The following LRFN4 variants were observed in gnomAD, a reference collection of about 807,000 sequenced individuals.
LRFN4 encodes the protein leucine-rich repeat and fibronectin type-III domain-containing protein 4.
A neutral mutation model predicts 29.0 loss-of-function variants in LRFN4; 10 were observed. The observed-to-expected ratio is 0.35, with a 90% CI of 0.21 to 0.59. The LOEUF is 0.59. Among genes scored for constraint, LRFN4 ranks in the 20% least tolerant of loss-of-function variants. The pLI, the probability that LRFN4 is intolerant of heterozygous loss-of-function variation, is 0.82. For synonymous variants in LRFN4, 493 were observed against 437.0 expected, an observed-to-expected ratio of 1.13 and a Z score of -1.60; for missense variants, 850 against 907.9, an observed-to-expected ratio of 0.94 and a Z score of 0.82.
Position 66,857,826 on chromosome 11 carries a change from G to C in LRFN4, c.82G>C (p.Glu28Gln), listed in dbSNP as rs1237650030. 6.2e-7 allele frequency: 1 copy of C among 1,604,488 alleles called. No individual in the cohort carries two copies. Among genetic ancestry groups the C allele is most frequent in the South Asian group, 1.1e-5 (1 of 91,078 alleles). The change falls in exon 1 of 2, where the codon GAG becomes CAG. Residue 28 changes from glutamate (E) to glutamine (Q), a missense_variant. Transcript: ENST00000309602. The surrounding 1 kb of genome is among the most constrained non-coding windows in gnomAD (Gnocchi z 7.1). Reference protein sequence around the residue: ...PLPCVCQNLSESLSTLCAHRG... With the variant: ...PLPCVCQNLSQSLSTLCAHRG... ...GCCCTGCGTCTGCCAGAACCTGTCC[G>C]AGTCGCTCAGCACCCTCTGTGCCCA... is the stretch of plus-strand genomic sequence containing the variant.
In LRFN4 at chr11:66,858,234, G is replaced by C; in HGVS notation, c.490G>C (p.Gly164Arg). The C allele has an allele frequency of 6.2e-7, 1 of 1,612,424 alleles. No homozygotes were observed. Among genetic ancestry groups the C allele is most frequent in the Non-Finnish European group, 8.5e-7 (1 of 1,179,918 alleles). ...YNNLRQVPWA[G>R]IGAMPALHTL... ...CAACCTCCGGCAGGTGCCCTGGGCC[G>C]GCATCGGCGCCATGCCTGCCCTGCA... Residue 164 changes from glycine to arginine, a missense_variant, in exon 1 of 2, where the codon GGC (glycine) becomes CGC (arginine). Physicochemically the swap from Gly to Arg is moderately radical, Grantham distance 125. Coordinates refer to ENST00000309602, the MANE Select transcript of LRFN4 (RefSeq NM_024036.5). The surrounding 1 kb of genome is among the most constrained non-coding windows in gnomAD (Gnocchi z 5.9).
intron 1 of LRFN4, 97 bp from the exon 2 acceptor site, chr11:66,859,540 G>A: frequency 1.3e-6 from 2 of 1,562,024 alleles, no homozygotes; most frequent in Non-Finnish European, 1.7e-6. Flanking sequence ...AGTGGCCCCA[G>A]GGGGAGGGGT....
chr11:66,858,851 G>A lies in LRFN4; in HGVS notation c.1107G>A (p.Leu369=). Residue 369 remains leucine, a synonymous_variant, in exon 1 of 2, where the codon CTG becomes CTA. Coordinates refer to ENST00000309602, the MANE Select transcript of LRFN4 (RefSeq NM_024036.5). This position sits in a 1 kb window ranked among gnomAD's most constrained non-coding sequence, Gnocchi z 5.9. Reference sequence around the variant, plus strand: ...CAGCCCGAGTAGAACTGCGGGTGCTGGCCTTGCCCCATGGTGGGAACAGCA... The same window carrying A: ...CAGCCCGAGTAGAACTGCGGGTGCTAGCCTTGCCCCATGGTGGGAACAGCA... The part of the protein sequence containing the change: ...EATARVELRV[L]ALPHGGNSSA... 12 of 1,552,664 alleles carry A rather than the reference G, an allele frequency of 7.7e-6. No individual in the cohort carries two copies. Among genetic ancestry groups the A allele is most frequent in the Non-Finnish European group, 1.0e-5 (12 of 1,149,220 alleles).
In LRFN4 at chr11:66,858,527, CG is replaced by C; in HGVS notation, c.785del (p.Gly262AlafsTer75). On this transcript the variant is annotated frameshift_variant, in exon 1 of 2. Transcript: ENST00000309602. LOFTEE classifies it high-confidence loss of function. The surrounding 1 kb of genome is among the most constrained non-coding windows in gnomAD (Gnocchi z 5.9). The stretch of plus-strand genomic sequence containing the variant: ...ACCTGGAAACGTGCGCCTCCCCGCC[CG>C]GCCTGGCCGGCCGCTACTTCTGGGC... ...DDLETCASPP[G>X]LAGRYFWAVP... 2 of 1,533,736 alleles carry C rather than the reference CG, an allele frequency of 1.3e-6. No homozygotes were observed. The highest frequency in any genetic ancestry group is 1.7e-6 in the Non-Finnish European group (2 of 1,145,334).
At position 66,859,238 on chromosome 11, in the gene LRFN4, G is replaced by C. The variant is rs1366082313; in HGVS notation, c.1349+145G>C. 4 of 1,183,036 alleles carry C rather than the reference G, an allele frequency of 3.4e-6. No homozygotes were observed. The African/African-American group carries it at 6.3e-5, about 19-fold the overall frequency. The allele number at this position is 1,183,036 out of a possible 1,614,324, so 73.3% of individuals were successfully genotyped here. ...TGGCTGCTGGACTCTTGGAGGAGCAGTGGCCTGGCCTGGCCTGGCTGCCTG... is the reference window on the plus strand; with the variant it reads ...TGGCTGCTGGACTCTTGGAGGAGCACTGGCCTGGCCTGGCCTGGCTGCCTG... On this transcript the variant is annotated intron_variant, in intron 1 of 1. Coordinates refer to ENST00000309602, the MANE Select transcript of LRFN4 (RefSeq NM_024036.5).
chr11:66,860,250 C>T lies in LRFN4; in HGVS notation c.*55C>T. The T allele has an allele frequency of 1.3e-6, 2 of 1,537,052 alleles. No individual in the cohort carries two copies. Among genetic ancestry groups the T allele is most frequent in the South Asian group, 1.2e-5 (1 of 84,050 alleles). ...GGATGAGCCTCGTGGGGCAGAGGGC[C>T]CGGGGCCGCCGCCTGGCCTGGGAGT... On this transcript the variant is annotated 3_prime_UTR_variant, in exon 2 of 2. Transcript: ENST00000309602.
rs1945948105 is a variant in LRFN4, at chr11:66,857,692, G to C, written c.-53G>C. The C allele has an allele frequency of 6.5e-7, 1 of 1,534,554 alleles. No homozygotes were observed. The highest frequency in any genetic ancestry group is 8.7e-7 in the Non-Finnish European group (1 of 1,145,528). On this transcript the variant is annotated 5_prime_UTR_variant, in exon 1 of 2. Coordinates refer to ENST00000309602, the MANE Select transcript of LRFN4 (RefSeq NM_024036.5). The surrounding 1 kb of genome is among the most constrained non-coding windows in gnomAD (Gnocchi z 7.1). ...CTGTCCTGGGCCCAAGTGGGCACCT[G>C]CGCCAGCCCCACCTGTGCCTGGGCT...
chr11:66,858,914 C>G lies in LRFN4; in HGVS notation c.1170C>G (p.Ala390=). The part of the protein sequence containing the change: ...EGGRPGPSDI[A]ASARTAAEGE... ...GCCGCCCCGGGCCCTCGGACATCGC[C>G]GCCTCCGCTCGCACTGCTGCCGAGG... Residue 390 remains alanine, a synonymous_variant, in exon 1 of 2, where the codon GCC becomes GCG. Coordinates refer to ENST00000309602, the MANE Select transcript of LRFN4 (RefSeq NM_024036.5). This position sits in a 1 kb window ranked among gnomAD's most constrained non-coding sequence, Gnocchi z 5.9. 2 of 1,565,768 alleles carry G rather than the reference C, an allele frequency of 1.3e-6. No homozygotes were observed. Among genetic ancestry groups the G allele is most frequent in the Non-Finnish European group, 1.7e-6 (2 of 1,154,078 alleles).
Position 66,859,589 on chromosome 11 carries a change from G to A in LRFN4, c.1350-48G>A, listed in dbSNP as rs767671905. 3 of 1,608,232 alleles carry A rather than the reference G, an allele frequency of 1.9e-6. No homozygotes were observed. The Admixed American group carries it at 5.0e-5, about 27-fold the overall frequency. On this transcript the variant is annotated intron_variant, in intron 1 of 1. Coordinates refer to ENST00000309602, the MANE Select transcript of LRFN4 (RefSeq NM_024036.5). ...AGCACGGGAGTGGGGAGGTGAGGAT[G>A]GGGCTAGACCCCAGCCCCGGGCTCT...
Position 66,858,745 on chromosome 11 carries a change from G to A in LRFN4, c.1001G>A (p.Gly334Glu). The A allele has an allele frequency of 1.3e-6, 2 of 1,554,576 alleles. No homozygotes were observed. The highest frequency in any genetic ancestry group is 8.7e-7 in the Non-Finnish European group (1 of 1,149,260). Residue 334 changes from glycine to glutamate, a missense_variant, in exon 1 of 2, where the codon GGG (glycine) becomes GAG (glutamate). Physicochemically the swap from Gly to Glu is moderately conservative, Grantham distance 98 (BLOSUM62 -2). Transcript: ENST00000309602. This position sits in a 1 kb window ranked among gnomAD's most constrained non-coding sequence, Gnocchi z 5.9. ...TCCCGAGCCCGGGCTTTCCCCAACG[G>A]GACCTTAGAGATTGGGGTGACCGGC... is the stretch of plus-strand genomic sequence containing the variant. Reference protein sequence around the residue: ...NSSRARAFPNGTLEIGVTGAG... With the variant: ...NSSRARAFPNETLEIGVTGAG...
chr11:66,858,469 T>A lies in LRFN4; in HGVS notation c.725T>A (p.Leu242Gln). The A allele has an allele frequency of 6.5e-7, 1 of 1,547,692 alleles. No homozygotes were observed. The highest frequency in any genetic ancestry group is 1.4e-5 in the African/African-American group (1 of 73,752). ...SGNPLHCNCE[L>Q]LWLRRLARPD... ...AACCCCCTGCACTGCAACTGTGAGC[T>A]GCTGTGGCTGCGGCGGCTGGCGCGG... The change falls in exon 1 of 2, where the codon CTG becomes CAG. Residue 242 changes from leucine (L) to glutamine (Q), a missense_variant. Transcript: ENST00000309602. The surrounding 1 kb of genome is among the most constrained non-coding windows in gnomAD (Gnocchi z 5.9).
chr11:66,860,233 C>T lies in LRFN4; in HGVS notation c.*38C>T, dbSNP rs1447931514. The T allele has an allele frequency of 6.5e-7, 1 of 1,539,204 alleles. No individual in the cohort carries two copies. Among genetic ancestry groups the T allele is most frequent in the South Asian group, 1.2e-5 (1 of 84,088 alleles). On this transcript the variant is annotated 3_prime_UTR_variant, in exon 2 of 2. Transcript: ENST00000309602. ...TTCCTGTGTGCTCCAAGGGATGAGC[C>T]TCGTGGGGCAGAGGGCCCGGGGCCG... is the stretch of plus-strand genomic sequence containing the variant.
Position 66,857,526 on chromosome 11 carries a change from C to A in LRFN4, c.-219C>A. 1 of 569,506 alleles carries A rather than the reference C, an allele frequency of 1.8e-6. No homozygotes were observed. The highest frequency in any genetic ancestry group is 3.1e-6 in the Non-Finnish European group (1 of 323,382). 35.3% of individuals were successfully genotyped at this position (569,506 alleles called of 1,614,324 possible). ...CCTTGTCCCCAGCGCCTGGACTCCC[C>A]CTTAACTGCTTGGGAAATGTGACCT... On this transcript the variant is annotated 5_prime_UTR_variant, in exon 1 of 2. Coordinates refer to ENST00000309602, the MANE Select transcript of LRFN4 (RefSeq NM_024036.5). The surrounding 1 kb of genome is among the most constrained non-coding windows in gnomAD (Gnocchi z 7.1).
Position 66,860,260 on chromosome 11 carries a change from CG to C in LRFN4, c.*66del, listed in dbSNP as rs1565229877. On this transcript the variant is annotated 3_prime_UTR_variant, in exon 2 of 2. Transcript: ENST00000309602. ...CGTGGGGCAGAGGGCCCGGGGCCGC[CG>C]CCTGGCCTGGGAGTCCCTCCCTGGT... 6.5e-6 allele frequency: 10 copies of C among 1,534,874 alleles called. No homozygotes were observed. Among genetic ancestry groups the C allele is most frequent in the African/African-American group, 1.4e-5 (1 of 72,984 alleles).
chr11:66,859,123 A>G (rs746810569), intron 1 of LRFN4, 30 bp downstream of exon 1: 2 of 1,469,136 alleles, frequency 1.4e-6, no homozygotes, highest in South Asian at 1.5e-5. Context: ...ACCCGGCTGC[A>G]CTCCCGGCGC....
In LRFN4 at chr11:66,857,790, G is replaced by A. The variant is rs769096319; in HGVS notation, c.46G>A (p.Ala16Thr). 1 of 1,597,636 alleles carries A rather than the reference G, an allele frequency of 6.3e-7. No individual in the cohort carries two copies. Among genetic ancestry groups the A allele is most frequent in the South Asian group, 1.1e-5 (1 of 90,980 alleles). ...GCTGCTGCTGGCCAGTGGAGCGGCC[G>A]CCTGCCCGCTGCCCTGCGTCTGCCA... ...LLLLLASGAAACPLPCVCQNL... is the reference protein window; with the variant it reads ...LLLLLASGAATCPLPCVCQNL... Residue 16 changes from alanine (A) to threonine (T), a missense_variant, in exon 1 of 2, where the codon GCC (alanine) becomes ACC (threonine). By Grantham distance (58) the Ala-to-Thr change is moderately conservative (BLOSUM62 0). Transcript: ENST00000309602. This position sits in a 1 kb window ranked among gnomAD's most constrained non-coding sequence, Gnocchi z 7.1.
At position 66,857,638 on chromosome 11, in the gene LRFN4, G is replaced by A. The variant is rs1565223412; in HGVS notation, c.-107G>A. ...GGCCTCTGACCCAGCCCCTCCCCGG[G>A]CCAGGCTCACAGAAGCTGGCTTCTG... On this transcript the variant is annotated 5_prime_UTR_variant, in exon 1 of 2. Coordinates refer to ENST00000309602, the MANE Select transcript of LRFN4 (RefSeq NM_024036.5). This position sits in a 1 kb window ranked among gnomAD's most constrained non-coding sequence, Gnocchi z 7.1. 7.7e-7 allele frequency: 1 copy of A among 1,294,896 alleles called. No homozygotes were observed. Among genetic ancestry groups the A allele is most frequent in the East Asian group, 2.5e-5 (1 of 39,516 alleles). 80.2% of individuals were successfully genotyped at this position (1,294,896 alleles called of 1,614,324 possible). A position where few individuals can be genotyped will look rare whatever the true frequency, so the allele number is the denominator to read the frequency against.
chr11:66,857,505 G>A lies in LRFN4; in HGVS notation c.-240G>A. 2 of 499,466 alleles carry A rather than the reference G, an allele frequency of 4.0e-6. No individual in the cohort carries two copies. The highest frequency in any genetic ancestry group is 7.0e-6 in the Non-Finnish European group (2 of 284,040). The allele number at this position is 499,466 out of a possible 1,614,324, so 30.9% of individuals were successfully genotyped here. On this transcript the variant is annotated 5_prime_UTR_variant, in exon 1 of 2. Coordinates refer to ENST00000309602, the MANE Select transcript of LRFN4 (RefSeq NM_024036.5). This position sits in a 1 kb window ranked among gnomAD's most constrained non-coding sequence, Gnocchi z 7.1. ...CGCTTCCTGCCTCATGCCTCACCTT[G>A]TCCCCAGCGCCTGGACTCCCCCTTA...
In LRFN4 at chr11:66,857,155, C is replaced by T. The variant is rs1448018821; in HGVS notation, c.-590C>T. 2 of 148,592 alleles carry T rather than the reference C, an allele frequency of 1.3e-5. No homozygotes were observed. The highest frequency in any genetic ancestry group is 3.0e-5 in the Non-Finnish European group (2 of 66,626). 9.2% of individuals were successfully genotyped at this position (148,592 alleles called of 1,614,324 possible). A position where few individuals can be genotyped will look rare whatever the true frequency, so the allele number is the denominator to read the frequency against. On this transcript the variant is annotated 5_prime_UTR_variant, in exon 1 of 2. Transcript: ENST00000309602. This position sits in a 1 kb window ranked among gnomAD's most constrained non-coding sequence, Gnocchi z 7.1. The stretch of plus-strand genomic sequence containing the variant: ...ACCGAGCGAGCCGGGGCCGCGGGCC[C>T]GAGCGCCATGGGCCCGAGGGTGGGC...
Sources: gnomAD v4.1 joint callset for allele counts on GRCh38, gnomAD v4.1.1 for gene constraint, Gnocchi (gnomAD v3.1) non-coding constraint, MANE v1.5 for transcripts, NCBI Gene and HGNC (gene_info 2026-07-23, HGNC 2026-07-21) for gene names.